Variants in RRBP1 observed in about 807,000 individuals in gnomAD.
The protein encoded by RRBP1 is ribosome-binding protein 1.
In RRBP1, 94 loss-of-function variants were observed where a neutral mutation model predicts 165.2. The observed-to-expected ratio is 0.57, with a 90% CI of 0.48 to 0.68. The LOEUF is 0.68. Ranked by LOEUF, RRBP1 falls within the 30% of genes least tolerant of loss-of-function variation. The pLI, the probability that RRBP1 is intolerant of heterozygous loss-of-function variation, is 0.00. For synonymous variants in RRBP1, 680 were observed against 714.5 expected (o/e 0.95, Z 0.77); for missense variants, 1,676 against 1,763.0 (o/e 0.95, Z 0.88).
At chr20:17,669,166 T>C (rs1479506198) in intron 2 of RRBP1, among the ~76,000 whole-genome samples, 1 of 152,234 alleles carries the variant, frequency 6.6e-6, no homozygotes, top group East Asian at 1.9e-4. Context: ...ACACTAAAAA[T>C]AGAAATGTAC....
At chr20:17,651,261 T>A (rs2036551246) in intron 3 of RRBP1, among the ~76,000 whole-genome samples, 1 of 152,356 alleles carries the variant, frequency 6.6e-6, no homozygotes, top group South Asian at 2.1e-4. Flanking sequence ...TGAGGAGTGC[T>A]GAGTCAGAAA....
intron 20 of RRBP1, 41 bp from the exon 21 acceptor site, chr20:17,616,880 C>CGACT (rs1224893104): frequency 6.9e-7 from 1 of 1,454,970 alleles, no homozygotes; most frequent in East Asian, 2.3e-5. Context: ...CACAGCCAGT[C>CGACT]GCACACCCAC....
intron 2 of RRBP1, among the ~76,000 whole-genome samples, chr20:17,667,153 C>T (rs73898390): frequency 6.6e-6 from 1 of 152,294 alleles, no homozygotes; most frequent in African/African-American, 2.4e-5. Flanking sequence ...TTCCCCTATT[C>T]TTTGGCATAG....
intron 8 of RRBP1, among the ~76,000 whole-genome samples, chr20:17,631,037 G>T (rs772132522): frequency 2.0e-5 from 3 of 152,244 alleles, no homozygotes; most frequent in Non-Finnish European, 4.4e-5. Context: ...CACGTGTACT[G>T]TGCAGTGAAA....
chr20:17,627,320 G>GAGC lies in RRBP1; in HGVS notation c.2963+25_2963+27dup, dbSNP rs1310157790. On this transcript the variant is annotated intron_variant, in intron 11 of 24. Transcript: ENST00000377813. ...TGGTCCCCCGGGCTGAGGCTCAAGTGAGCAGGCAGGCTGCTTCCCCAGCTT... is the reference window on the plus strand; with the variant it reads ...TGGTCCCCCGGGCTGAGGCTCAAGTGAGCAGCAGGCAGGCTGCTTCCCCAGCTT... The GAGC allele has an allele frequency of 1.4e-5, 23 of 1,611,122 alleles. No homozygotes were observed. The East Asian group carries it at 4.9e-4, about 34-fold the overall frequency.
chr20:17,618,897 C>A (rs1484068194), intron 19 of RRBP1: 1 of 549,846 alleles, frequency 1.8e-6, no homozygotes, highest in African/African-American at 1.9e-5. Context: ...CTGCGTACCT[C>A]TTTCAGGCCT....
chr20:17,614,244 G>A, intron 24 of RRBP1, 24 bp from the exon 25 acceptor site: 1 of 1,611,294 alleles, frequency 6.2e-7, no homozygotes, highest in Non-Finnish European at 8.5e-7. Context: ...CAGGTGGCGT[G>A]AGGGGGGCTG....
At chr20:17,669,239 G>C (rs553856512) in intron 2 of RRBP1, among the ~76,000 whole-genome samples, 1 of 152,268 alleles carries the variant, frequency 6.6e-6, no homozygotes, top group African/African-American at 2.4e-5. Context: ...CCTGAGGGGG[G>C]TAAAAAATAA....
At chr20:17,635,438 T>TA in intron 7 of RRBP1, 108 bp downstream of exon 7, 1 of 795,938 alleles carries the variant, frequency 1.3e-6, no homozygotes, top group Admixed American at 2.3e-5. Flanking sequence ...CGCACACATG[T>TA]AGGGCCCATG....
intron 8 of RRBP1, among the ~76,000 whole-genome samples, chr20:17,631,854 A>G (rs534979407): frequency 1.3e-5 from 2 of 152,384 alleles, no homozygotes; most frequent in Non-Finnish European, 2.9e-5. Context: ...GACAGTCACA[A>G]TATGGAAAGA....
chr20:17,667,516 C>T (rs934999105), intron 2 of RRBP1, among the ~76,000 whole-genome samples: 3 of 152,168 alleles, frequency 2.0e-5, no homozygotes, highest in African/African-American at 7.2e-5. Context: ...AGTACTGCTA[C>T]GGCTTCATCC....
chr20:17,672,651 C>G (rs969420547), intron 2 of RRBP1, among the ~76,000 whole-genome samples: 11 of 152,340 alleles, frequency 7.2e-5, no homozygotes, highest in Admixed American at 6.5e-4. Context: ...TCCTTCTGGT[C>G]CTGCAATTCT....
chr20:17,664,003 A>C (rs2036819471), intron 2 of RRBP1, among the ~76,000 whole-genome samples: 2 of 152,244 alleles, frequency 1.3e-5, no homozygotes, highest in Non-Finnish European at 2.9e-5. Flanking sequence ...AAACTGCAGT[A>C]ATACTGAATC....
At chr20:17,644,489 C>T (rs2036427791) in intron 3 of RRBP1, among the ~76,000 whole-genome samples, 1 of 152,206 alleles carries the variant, frequency 6.6e-6, no homozygotes, top group Non-Finnish European at 1.5e-5. Flanking sequence ...TTTCGGTTCC[C>T]AGCCTTCCTG....
chr20:17,674,077 C>T, intron 2 of RRBP1, among the ~76,000 whole-genome samples: 1 of 152,196 alleles, frequency 6.6e-6, no homozygotes, highest in East Asian at 1.9e-4. Context: ...CAATTTAATG[C>T]AGTTGAGTTG....
chr20:17,672,946 A>C (rs1432235273), intron 2 of RRBP1, among the ~76,000 whole-genome samples: 1 of 152,212 alleles, frequency 6.6e-6, no homozygotes, highest in Non-Finnish European at 1.5e-5. Flanking sequence ...GGTATTATTA[A>C]GAAGAGAGCA....
At position 17,659,288 on chromosome 20, in the gene RRBP1, T is replaced by A. The variant is rs201143836; in HGVS notation, c.1220A>T (p.Asn407Ile). Reference sequence around the variant, plus strand: ...GGCCCCCTCGGCCTTTTTGCCCTGGTTCTGGGCACCCTCAGCCTTCTTGCC... The same window carrying A: ...GGCCCCCTCGGCCTTTTTGCCCTGGATCTGGGCACCCTCAGCCTTCTTGCC... ...NQGKKAEGAQ[N>I]QGKKAEGAQN... The change falls in exon 3 of 25, where the codon AAC (asparagine) becomes ATC (isoleucine). Residue 407 changes from asparagine to isoleucine, a missense_variant. Asn to Ile is a moderately radical substitution (Grantham distance 149). Around this residue, in one of 5 missense-constraint regions of RRBP1, gnomAD observed 78 missense variants for 115.6 expected, o/e 0.67. Coordinates refer to ENST00000377813, the MANE Select transcript of RRBP1 (RefSeq NM_001365613.2). The A allele has an allele frequency of 5.7e-5, 87 of 1,523,052 alleles. 1 individual carries two copies. Among genetic ancestry groups the A allele is most frequent in the Middle Eastern group, 1.7e-4 (1 of 5,916 alleles). The allele number at this position is 1,523,052 out of a possible 1,614,324, so 94.3% of individuals were successfully genotyped here.
chr20:17,673,167 G>A (rs1054429109), intron 2 of RRBP1, among the ~76,000 whole-genome samples: 5 of 152,074 alleles, frequency 3.3e-5, no homozygotes, highest in African/African-American at 4.8e-5. Context: ...CTTGGAAAAC[G>A]CGCCCCACAG....
At chr20:17,672,613 C>G (rs1012983252) in intron 2 of RRBP1, among the ~76,000 whole-genome samples, 1 of 152,174 alleles carries the variant, frequency 6.6e-6, no homozygotes, top group East Asian at 1.9e-4. Context: ...AAAAGTCTGG[C>G]ACTTTCTTTT....
Sources: gnomAD v4.1 joint callset for allele counts (sites outside exome capture counted in the v4.1 genomes callset) on GRCh38, gnomAD v4.1.1 for gene constraint, gnomAD v4.1.1 regional missense constraint, MANE v1.5 for transcripts, NCBI Gene and HGNC (gene_info 2026-07-23, HGNC 2026-07-21) for gene names.